Variants in MAGI1 observed in about 807,000 individuals in gnomAD.
MAGI1 encodes membrane associated guanylate kinase, WW and PDZ domain containing 1.
In MAGI1, 58 loss-of-function variants were observed where a neutral mutation model predicts 139.9. That is an observed-to-expected ratio of 0.41 (90% CI 0.34 to 0.52). The LOEUF is 0.52. Among genes scored for constraint, MAGI1 ranks in the 20% least tolerant of loss-of-function variants. The pLI, the probability that MAGI1 is intolerant of heterozygous loss-of-function variation, is 0.12. For synonymous variants in MAGI1, 812 were observed against 737.9 expected (o/e 1.10, Z -1.63); for missense variants, 1,874 against 1,901.6 (o/e 0.99, Z 0.27).
intron 1 of MAGI1, among the ~76,000 whole-genome samples, chr3:65,976,652 T>G (rs139420738): frequency 2.4e-4 from 36 of 152,222 alleles, no homozygotes; most frequent in Non-Finnish European, 4.4e-4. Context: ...AAAAAGACCT[T>G]TCTCACTAAT....
chr3:65,759,002 T>C (rs1003070199), intron 1 of MAGI1, among the ~76,000 whole-genome samples: 3 of 145,994 alleles, frequency 2.1e-5, no homozygotes, highest in East Asian at 2.1e-4. Flanking sequence ...AGCTTTCTCA[T>C]ATATGATCTC....
intron 12 of MAGI1, among the ~76,000 whole-genome samples, chr3:65,408,597 A>C (rs1392384678): frequency 2.6e-5 from 4 of 152,218 alleles, no homozygotes; most frequent in African/African-American, 9.6e-5. Flanking sequence ...CTAAACAATG[A>C]ACATCAATGG....
At chr3:65,930,112 C>A (rs1438275554) in intron 1 of MAGI1, among the ~76,000 whole-genome samples, 1 of 150,374 alleles carries the variant, frequency 6.7e-6, no homozygotes, top group Non-Finnish European at 1.5e-5. Flanking sequence ...GTCAGGAGAT[C>A]GAGACCATCC....
intron 2 of MAGI1, among the ~76,000 whole-genome samples, chr3:65,587,666 G>A (rs2106707716): frequency 6.6e-6 from 1 of 151,484 alleles, no homozygotes; most frequent in East Asian, 1.9e-4. Flanking sequence ...TTTTTTTGTA[G>A]AGATGAGGTT....
chr3:66,037,736 G>T (rs373183209), intron 1 of MAGI1, among the ~76,000 whole-genome samples: 1 of 152,186 alleles, frequency 6.6e-6, no homozygotes, highest in Non-Finnish European at 1.5e-5. Flanking sequence ...TAGTGGCGGA[G>T]ATAACAGGTT....
intron 1 of MAGI1, among the ~76,000 whole-genome samples, chr3:65,704,307 T>C (rs2089811982): frequency 6.6e-6 from 1 of 152,156 alleles, no homozygotes; most frequent in African/African-American, 2.4e-5. Context: ...TTCAACTCAT[T>C]CCAATGTTCT....
intron 1 of MAGI1, among the ~76,000 whole-genome samples, chr3:65,944,201 A>C (rs1025596930): frequency 6.6e-6 from 1 of 152,200 alleles, no homozygotes; most frequent in African/African-American, 2.4e-5. Flanking sequence ...GTTACTTGTT[A>C]AGCAGGCAAG....
chr3:65,401,376 A>AACCC, intron 13 of MAGI1, 63 bp downstream of exon 13: 2 of 406,704 alleles, frequency 4.9e-6, no homozygotes, highest in East Asian at 4.9e-5. Flanking sequence ...GTACCCTCCC[A>AACCC]CCTCCAGCCC....
intron 2 of MAGI1, among the ~76,000 whole-genome samples, chr3:65,550,458 T>C (rs1342072679): frequency 6.6e-6 from 1 of 152,136 alleles, no homozygotes; most frequent in African/African-American, 2.4e-5. Flanking sequence ...AGAATAAAAC[T>C]TGAAAGAAAT....
intron 1 of MAGI1, among the ~76,000 whole-genome samples, chr3:65,869,966 G>T (rs998766085): frequency 6.6e-6 from 1 of 152,164 alleles, no homozygotes; most frequent in African/African-American, 2.4e-5. Flanking sequence ...CCTAGAAATC[G>T]AAATCTGCAT....
intron 14 of MAGI1, among the ~76,000 whole-genome samples, chr3:65,387,415 T>TA (rs1299115701): frequency 6.6e-6 from 1 of 151,658 alleles, no homozygotes. Context: ...GCTTTACTTG[T>TA]AAAAAAGGTA....
intron 13 of MAGI1, 71 bp downstream of exon 13, chr3:65,401,368 A>ACCCGGCCCC: frequency 2.3e-6 from 3 of 1,323,564 alleles, no homozygotes. Flanking sequence ...CACACAGAGT[A>ACCCGGCCCC]CCCTCCCACC....
chr3:65,433,912 A>T (rs1947647921), intron 10 of MAGI1, among the ~76,000 whole-genome samples: 1 of 152,178 alleles, frequency 6.6e-6, no homozygotes, highest in Non-Finnish European at 1.5e-5. Context: ...TCAATATGGC[A>T]GCCACTAGTC....
At chr3:65,363,084 C>T (rs1187664082) in intron 21 of MAGI1, among the ~76,000 whole-genome samples, 2 of 152,150 alleles carry the variant, frequency 1.3e-5, no homozygotes, top group Non-Finnish European at 2.9e-5. Context: ...TCTACAGGGC[C>T]ATATGGCTTT....
intron 1 of MAGI1, among the ~76,000 whole-genome samples, chr3:65,978,906 T>C (rs961400561): frequency 2.0e-5 from 3 of 151,916 alleles, no homozygotes; most frequent in Non-Finnish European, 4.4e-5. Context: ...GGATTACAGG[T>C]GTGAGCCACC....
chr3:65,761,710 T>C (rs944723990), intron 1 of MAGI1, among the ~76,000 whole-genome samples: 1 of 152,150 alleles, frequency 6.6e-6, no homozygotes, highest in African/African-American at 2.4e-5. Flanking sequence ...AATGCACAAT[T>C]TCGTGTTAAT....
chr3:65,611,197 G>GTATATACACA (rs1282756972), intron 2 of MAGI1, among the ~76,000 whole-genome samples: 1 of 139,990 alleles, frequency 7.1e-6, no homozygotes, highest in Non-Finnish European at 1.5e-5. Flanking sequence ...TGGTATATAT[G>GTATATACACA]TGTGTATACA....
intron 1 of MAGI1, among the ~76,000 whole-genome samples, chr3:65,767,520 T>C (rs1428349888): frequency 6.6e-6 from 1 of 152,190 alleles, no homozygotes; most frequent in Non-Finnish European, 1.5e-5. Context: ...ATTCCTGTCA[T>C]CCTAAATTGG....
At position 65,897,592 on chromosome 3, in the gene MAGI1, T is replaced by C. The variant is rs182862840; in HGVS notation, c.313+140404A>G. 1.3e-3 allele frequency among the ~76,000 whole-genome samples: 184 copies of C among 139,876 alleles called. 6 individuals carry two copies. Among genetic ancestry groups the C allele is most frequent in the South Asian group, 4.1e-3 (18 of 4,398 alleles). The allele number at this position is 139,876 out of a possible 152,430, so 91.8% of individuals were successfully genotyped here. A position where few individuals can be genotyped will look rare whatever the true frequency, so the allele number is the denominator to read the frequency against. ...GTAACAAACCTGCATGTTGTGCACA[T>C]GTACCCCTATGTAACAAACCTGCAT... On this transcript the variant is annotated intron_variant, in intron 1 of 22. Coordinates refer to ENST00000402939, the MANE Select transcript of MAGI1 (RefSeq NM_001033057.2).
Sources: allele counts gnomAD v4.1 joint callset (sites outside exome capture counted in the v4.1 genomes callset), GRCh38; gene constraint gnomAD v4.1.1; transcripts MANE v1.5; gene names NCBI Gene and HGNC (gene_info 2026-07-23, HGNC 2026-07-21).